The following NRXN3 variants were observed in gnomAD, a reference collection of about 807,000 sequenced individuals.
The protein encoded by NRXN3 is neurexin III.
Under a neutral mutation model 137.6 loss-of-function variants are expected in NRXN3, and 32 were observed. The observed-to-expected ratio is 0.23, with a 90% CI of 0.18 to 0.31. The LOEUF is 0.31. Among genes scored for constraint, NRXN3 ranks in the 10% least tolerant of loss-of-function variants. The probability of loss-of-function intolerance (pLI) is 1.00; values close to 1 mark genes in which losing one functional copy is unlikely to be tolerated. For missense variants in NRXN3, 1,574 were observed against 2,062.5 expected (o/e 0.76, Z 4.59); for synonymous variants, 798 against 784.5 (o/e 1.02, Z -0.29).
At chr14:79,263,387 G>A (rs1250358094) in intron 15 of NRXN3, among the ~76,000 whole-genome samples, 1 of 141,534 alleles carries the variant, frequency 7.1e-6, no homozygotes, top group African/African-American at 3.0e-5. Flanking sequence ...CCCTAGCTCA[G>A]GAGCTCAGGT....
intron 16 of NRXN3, among the ~76,000 whole-genome samples, chr14:79,486,003 C>T (rs1034764536): frequency 1.3e-5 from 2 of 151,936 alleles, no homozygotes; most frequent in African/African-American, 4.8e-5. Flanking sequence ...TACATGAGCT[C>T]TTAAATCTGT....
chr14:79,739,167 G>T (rs540997415), intron 19 of NRXN3, among the ~76,000 whole-genome samples: 1 of 152,314 alleles, frequency 6.6e-6, no homozygotes, highest in East Asian at 1.9e-4. Context: ...ATGAAGGCAC[G>T]TGGGTGTTTC....
At chr14:79,277,684 A>G (rs74067959) in intron 15 of NRXN3, among the ~76,000 whole-genome samples, 1,864 of 152,304 alleles carry the variant, frequency 0.012, 41 homozygotes, top group African/African-American at 0.042. Flanking sequence ...TGGAATGTCC[A>G]TAAACCACCC....
At chr14:79,734,739 T>G (rs1047298913) in intron 19 of NRXN3, among the ~76,000 whole-genome samples, 1 of 152,122 alleles carries the variant, frequency 6.6e-6, no homozygotes, top group African/African-American at 2.4e-5. Flanking sequence ...ATTAAATGAT[T>G]TCTAAAATCA....
chr14:79,422,697 C>CTTT (rs1185262366), intron 15 of NRXN3, among the ~76,000 whole-genome samples: 19 of 130,164 alleles, frequency 1.5e-4, no homozygotes, highest in South Asian at 2.5e-4. Flanking sequence ...GTTCCACATT[C>CTTT]TTTTTTTTTT....
intron 4 of NRXN3, among the ~76,000 whole-genome samples, chr14:78,523,167 A>G (rs1441981602): frequency 2.0e-5 from 3 of 152,164 alleles, no homozygotes; most frequent in Admixed American, 6.5e-5. Flanking sequence ...TTTCCAGATT[A>G]TCTCTGGAGT....
At chr14:79,547,708 T>C (rs1483129588) in intron 16 of NRXN3, among the ~76,000 whole-genome samples, 1 of 152,162 alleles carries the variant, frequency 6.6e-6, no homozygotes, top group East Asian at 1.9e-4. Flanking sequence ...GGGAGCTGGA[T>C]AGCATTTACA....
intron 4 of NRXN3, among the ~76,000 whole-genome samples, chr14:78,579,979 T>G (rs2096976773): frequency 6.6e-6 from 1 of 152,170 alleles, no homozygotes; most frequent in Non-Finnish European, 1.5e-5. Flanking sequence ...AGTACCTATC[T>G]CATAGGCTTT....
intron 3 of NRXN3, among the ~76,000 whole-genome samples, chr14:78,290,910 G>A (rs1203028379): frequency 6.6e-6 from 1 of 152,144 alleles, no homozygotes; most frequent in Non-Finnish European, 1.5e-5. Context: ...GTTTAAATTT[G>A]CGTTTTAAAG....
intron 17 of NRXN3, among the ~76,000 whole-genome samples, chr14:79,666,188 G>A (rs890361278): frequency 6.6e-6 from 1 of 151,934 alleles, no homozygotes. Context: ...AAATATATTA[G>A]ATTCTTTCTT....
chr14:78,228,226 C>T lies in NRXN3; in HGVS notation c.-703-14165C>T, dbSNP rs542986594. Among the ~76,000 whole-genome samples, 35 of 150,362 alleles carry T rather than the reference C, an allele frequency of 2.3e-4. No homozygotes were observed. The South Asian group carries it at 4.4e-3, about 19-fold the overall frequency. ...AGGCTGGAGTGTAATGCGTGATCTCCGCTCACTGTAACCTCCGCCTCCCAG... is the reference window on the plus strand; with the variant it reads ...AGGCTGGAGTGTAATGCGTGATCTCTGCTCACTGTAACCTCCGCCTCCCAG... On this transcript the variant is annotated intron_variant, in intron 1 of 20. Transcript: ENST00000335750.
chr14:79,246,270 T>G (rs1322816554), intron 15 of NRXN3, among the ~76,000 whole-genome samples: 2 of 152,248 alleles, frequency 1.3e-5, no homozygotes, highest in Admixed American at 6.5e-5. Flanking sequence ...AATTTTGGCC[T>G]GGAAAGCTCA....
At position 79,094,979 on chromosome 14, in the gene NRXN3, A is replaced by AGTGT. The variant is rs1555740770; in HGVS notation, c.3262+106866_3262+106869dup. ...GAGAGAGAGAGAGAGAGAGAGAGAGAGTGTGTGTGTGTGTGTGTGTGTGTG... is the reference window on the plus strand; with the variant it reads ...GAGAGAGAGAGAGAGAGAGAGAGAGAGTGTGTGTGTGTGTGTGTGTGTGTGTGTG... On this transcript the variant is annotated intron_variant, in intron 15 of 20. Transcript: ENST00000335750. 1.2e-3 allele frequency among the ~76,000 whole-genome samples: 137 copies of AGTGT among 115,922 alleles called. 1 individual carries two copies. Among genetic ancestry groups the AGTGT allele is most frequent in the East Asian group, 3.2e-3 (12 of 3,746 alleles). 76.0% of individuals were successfully genotyped at this position (115,922 alleles called of 152,430 possible).
chr14:78,838,748 C>T (rs570798182), intron 10 of NRXN3, among the ~76,000 whole-genome samples: 93 of 152,178 alleles, frequency 6.1e-4, no homozygotes, highest in African/African-American at 2.2e-3. Context: ...CTCTCTCTAG[C>T]CATATTGCAA....
rs965246574 is a variant in NRXN3 at position 79,308,895 on chromosome 14, T to TA, written c.3263-158326_3263-158325insA. On this transcript the variant is annotated intron_variant, in intron 15 of 20. Coordinates refer to ENST00000335750, the MANE Select transcript of NRXN3 (RefSeq NM_001330195.2). ...ATTTTATTTTATTTTATTTTATTTT[T>TA]TTTTATTTTATTTATTTATTTATTT... Among the ~76,000 whole-genome samples the TA allele has an allele frequency of 1.3e-4, 19 of 145,332 alleles. No individual in the cohort carries two copies. The South Asian group carries it at 2.5e-3, about 19-fold the overall frequency.
intron 16 of NRXN3, among the ~76,000 whole-genome samples, chr14:79,546,292 C>A (rs906701984): frequency 6.6e-6 from 1 of 152,102 alleles, no homozygotes; most frequent in Non-Finnish European, 1.5e-5. Flanking sequence ...AAAATACTTT[C>A]CTTATACAAT....
intron 15 of NRXN3, among the ~76,000 whole-genome samples, chr14:79,388,121 T>C (rs879295611): frequency 1.2e-4 from 18 of 151,872 alleles, no homozygotes; most frequent in Non-Finnish European, 1.9e-4. Flanking sequence ...AAGTAGGATA[T>C]TTTTTAAAAA....
At chr14:78,378,484 CAAAAAA>C (rs3037810) in intron 4 of NRXN3, among the ~76,000 whole-genome samples, 5 of 126,904 alleles carry the variant, frequency 3.9e-5, no homozygotes, top group African/African-American at 6.0e-5. Flanking sequence ...GATTCTGTCT[CAAAAAA>C]AAAAAAAAAA....
At chr14:78,854,068 T>C (rs1004236510) in intron 10 of NRXN3, among the ~76,000 whole-genome samples, 2 of 152,230 alleles carry the variant, frequency 1.3e-5, no homozygotes, top group Non-Finnish European at 2.9e-5. Flanking sequence ...ACAGTCCATA[T>C]GGCAACCTTT....
Sources: allele counts gnomAD v4.1 joint callset (sites outside exome capture counted in the v4.1 genomes callset), GRCh38; gene constraint gnomAD v4.1.1; transcripts MANE v1.5; gene names NCBI Gene and HGNC (gene_info 2026-07-23, HGNC 2026-07-21).